The following ANXA8 variants were observed in gnomAD, a reference collection of about 807,000 sequenced individuals.
The protein encoded by ANXA8 is annexin A8.
Under a neutral mutation model 26.8 loss-of-function variants are expected in ANXA8, and 9 were observed. The ratio of observed to expected loss-of-function variants is 0.34; its 90% CI spans 0.20 to 0.59. The LOEUF (loss-of-function observed/expected upper bound fraction) is 0.59, where lower values mean the gene tolerates loss of function less well. Ranked by LOEUF, ANXA8 falls within the 20% of genes least tolerant of loss-of-function variation. The pLI is 0.84. For synonymous variants in ANXA8, 39 were observed against 94.8 expected, an observed-to-expected ratio of 0.41 and a Z score of 3.42; for missense variants, 83 against 238.5, an observed-to-expected ratio of 0.35 and a Z score of 4.29.
chr10:47,668,993 G>C, the ANXA8 span, among the ~76,000 whole-genome samples: 1 of 151,862 alleles, frequency 6.6e-6, no homozygotes, highest in African/African-American at 2.4e-5. Context: ...TTCTGTGAGA[G>C]AGTGAGGGAA....
At chr10:47,649,732 A>C in the ANXA8 span, among the ~76,000 whole-genome samples, 1 of 145,364 alleles carries the variant, frequency 6.9e-6, no homozygotes, top group African/African-American at 2.7e-5. Context: ...ATTTTTTTAA[A>C]GTTTTTATTT....
chr10:47,744,422 T>TTGGGGGGGGATGGGGGAAGGGGGGGG, the ANXA8 span, among the ~76,000 whole-genome samples: 19 of 11,726 alleles, frequency 1.6e-3, no homozygotes, highest in African/African-American at 2.3e-3. Context: ...GGGGGGGGGG[T>TTGGGGGGGGATGGGGGAAGGGGGGGG]TGGGGGGGAG....
chr10:47,772,368 G>T, the ANXA8 span, among the ~76,000 whole-genome samples: 2 of 152,252 alleles, frequency 1.3e-5, no homozygotes, highest in Non-Finnish European at 2.9e-5. Context: ...TAGGGAAAGT[G>T]TTTATTTCCT....
the ANXA8 span, among the ~76,000 whole-genome samples, chr10:47,695,379 G>A: frequency 6.6e-6 from 1 of 150,940 alleles, no homozygotes; most frequent in African/African-American, 2.4e-5. Context: ...AGCAGCAGAG[G>A]GGTAGGTGGG....
the ANXA8 span, among the ~76,000 whole-genome samples, chr10:47,685,411 T>C: frequency 6.6e-6 from 1 of 151,324 alleles, no homozygotes; most frequent in Non-Finnish European, 1.5e-5. Context: ...GGATCTCACA[T>C]TCATCTCAGA....
At chr10:47,535,636 G>C in the ANXA8 span, among the ~76,000 whole-genome samples, 1 of 139,714 alleles carries the variant, frequency 7.2e-6, no homozygotes. Context: ...ATTAGACAAT[G>C]TGTATATAGA....
the ANXA8 span, among the ~76,000 whole-genome samples, chr10:47,932,414 G>T: frequency 1.3e-5 from 2 of 151,042 alleles, no homozygotes; most frequent in Non-Finnish European, 3.0e-5. Flanking sequence ...GGAACTTATC[G>T]GCTCATGGAA....
chr10:47,745,001 C>T, the ANXA8 span, among the ~76,000 whole-genome samples: 1 of 151,932 alleles, frequency 6.6e-6, no homozygotes, highest in Non-Finnish European at 1.5e-5. Flanking sequence ...TTGATTCCTC[C>T]CCCAAGCCTG....
At chr10:47,940,196 A>C in the ANXA8 span, among the ~76,000 whole-genome samples, 1 of 150,354 alleles carries the variant, frequency 6.7e-6, no homozygotes, top group Non-Finnish European at 1.5e-5. Context: ...AGGATGCAAG[A>C]GAGTCTCCAT....
At chr10:47,991,786 A>T in the ANXA8 span, 4 of 1,609,858 alleles carry the variant, frequency 2.5e-6, no homozygotes, top group Non-Finnish European at 3.4e-6. Context: ...TGGCTCCTGC[A>T]GCTGAGGAGT....
the ANXA8 span, chr10:47,973,268 G>A: frequency 4.0e-5 from 6 of 148,326 alleles, no homozygotes; most frequent in Non-Finnish European, 7.5e-5. Context: ...GCATCATGTA[G>A]TCTTTAATCA....
upstream of ANXA8, chr10:47,484,493 G>C: frequency 3.4e-6 from 4 of 1,184,974 alleles, no homozygotes; most frequent in Non-Finnish European, 4.8e-6. Flanking sequence ...CAGATGGGAG[G>C]CCAGTTGGTG....
At chr10:47,590,670 G>A in the ANXA8 span, among the ~76,000 whole-genome samples, 3 of 146,040 alleles carry the variant, frequency 2.1e-5, 1 homozygote, top group Non-Finnish European at 4.4e-5. Flanking sequence ...AGTAACTGGA[G>A]AGCCTTGGTG....
chr10:47,657,071 AT>A, the ANXA8 span, among the ~76,000 whole-genome samples: 1 of 148,656 alleles, frequency 6.7e-6, no homozygotes, highest in Non-Finnish European at 1.5e-5. Context: ...AGAGCCTTAT[AT>A]TTTGACTTCA....
chr10:47,977,769 A>G, the ANXA8 span, among the ~76,000 whole-genome samples: 2 of 151,646 alleles, frequency 1.3e-5, no homozygotes, highest in African/African-American at 4.8e-5. Context: ...GAGATTATAC[A>G]ATCCAGGGAA....
the ANXA8 span, among the ~76,000 whole-genome samples, chr10:47,587,391 G>A: frequency 1.4e-5 from 2 of 147,612 alleles, no homozygotes; most frequent in Non-Finnish European, 2.9e-5. Flanking sequence ...TTACTTCAAG[G>A]TGTTATTATT....
chr10:47,715,296 A>G, the ANXA8 span, among the ~76,000 whole-genome samples: 1 of 79,988 alleles, frequency 1.3e-5, no homozygotes. Flanking sequence ...AAATACAAAA[A>G]TTAGCCGGGA....
the ANXA8 span, among the ~76,000 whole-genome samples, chr10:47,659,254 C>A: frequency 6.6e-6 from 1 of 151,848 alleles, no homozygotes; most frequent in Non-Finnish European, 1.5e-5. Context: ...AGACATCTCA[C>A]TGCATTTTTC....
the ANXA8 span, among the ~76,000 whole-genome samples, chr10:47,987,719 C>CT: frequency 6.7e-6 from 1 of 148,446 alleles, no homozygotes; most frequent in Non-Finnish European, 1.5e-5. Context: ...CTTCTCTTCG[C>CT]TACAGGGACA....
Sources: gnomAD v4.1 joint callset for allele counts (sites outside exome capture counted in the v4.1 genomes callset) on GRCh38, gnomAD v4.1.1 for gene constraint, MANE v1.5 for transcripts, NCBI Gene and HGNC (gene_info 2026-07-23, HGNC 2026-07-21) for gene names.